The following PXN variants were observed in gnomAD, a reference collection of about 807,000 sequenced individuals.
PXN encodes the protein testicular tissue protein Li 134.
PXN carries 61 observed loss-of-function variants against 103.6 expected under a neutral mutation model. The ratio of observed to expected loss-of-function variants is 0.59; its 90% confidence interval spans 0.48 to 0.73. PXN has a LOEUF of 0.73. Among genes scored for constraint, PXN ranks in the 30% least tolerant of loss-of-function variants. The pLI, the probability that PXN is intolerant of heterozygous loss-of-function variation, is 0.00. For synonymous variants in PXN, 562 were observed against 607.8 expected, an observed-to-expected ratio of 0.92 and a Z score of 1.11; for missense variants, 1,274 against 1,460.3, an observed-to-expected ratio of 0.87 and a Z score of 2.08.
chr12:120,242,137 G>A (rs929061317), intron 1 of PXN, among the ~76,000 whole-genome samples: 1 of 152,094 alleles, frequency 6.6e-6, no homozygotes, highest in African/African-American at 2.4e-5. Context: ...CCCTGAGCCA[G>A]GGCCCAAGGA....
chr12:120,231,886 C>G (rs1250235493), intron 1 of PXN, among the ~76,000 whole-genome samples: 1 of 152,230 alleles, frequency 6.6e-6, no homozygotes, highest in Non-Finnish European at 1.5e-5. Context: ...GCAGCCACTT[C>G]CCCATCAAAT....
Position 120,216,431 on chromosome 12 carries a change from G to A in PXN, c.2143C>T (p.Pro715Ser). ...GAAGAACCACAGGTATAAGCTGAGG[G>A]CCCCAGGGGGGAGGAGGCGAGCAGG... is the stretch of plus-strand genomic sequence containing the variant. Reference protein sequence around the residue: ...PSLLASSPLGPSAYTCGSSGV... With the variant: ...PSLLASSPLGSSAYTCGSSGV... The change falls in exon 9 of 15, where the codon CCC becomes TCC. Residue 715 changes from proline to serine, a missense_variant. By Grantham distance (74) the Pro-to-Ser change is moderately conservative. Coordinates refer to ENST00000637617, the MANE Select transcript of PXN (RefSeq NM_001385981.1). This position sits in a 1 kb window ranked among gnomAD's most constrained non-coding sequence, Gnocchi z 5.1. 7.3e-7 allele frequency: 1 copy of A among 1,374,312 alleles called. No homozygotes were observed. Among genetic ancestry groups the A allele is most frequent in the Middle Eastern group, 2.7e-4 (1 of 3,736 alleles). 85.1% of individuals were successfully genotyped at this position (1,374,312 alleles called of 1,614,324 possible). A position where few individuals can be genotyped will look rare whatever the true frequency, so the allele number is the denominator to read the frequency against.
intron 1 of PXN, among the ~76,000 whole-genome samples, chr12:120,245,682 G>A (rs1280995915): frequency 1.3e-5 from 2 of 151,444 alleles, no homozygotes; most frequent in East Asian, 3.9e-4. Context: ...CAGCTACTTG[G>A]GAGGCTGAGG....
rs766217902 is a variant in PXN, at chr12:120,213,934, C to T, written c.2887G>A (p.Ala963Thr). 16 of 1,612,334 alleles carry T rather than the reference C, an allele frequency of 9.9e-6. No individual in the cohort carries two copies. Among genetic ancestry groups the T allele is most frequent in the Admixed American group, 3.3e-5 (2 of 59,754 alleles). ...CGGGCGCAGCCGCCACACTTGGGTG[C>T]GAACATGTCGAAGTAGTCCTTGCGA... is the stretch of plus-strand genomic sequence containing the variant. ...YCRKDYFDMF[A>T]PKCGGCARAI... Residue 963 changes from alanine to threonine, a missense_variant, in exon 14 of 15, where the codon GCA becomes ACA. By Grantham distance (58) the Ala-to-Thr change is moderately conservative. Coordinates refer to ENST00000637617, the MANE Select transcript of PXN (RefSeq NM_001385981.1). The surrounding 1 kb of genome is among the most constrained non-coding windows in gnomAD (Gnocchi z 4.2).
At chr12:120,241,215 C>T (rs999321530) in intron 1 of PXN, among the ~76,000 whole-genome samples, 2 of 152,258 alleles carry the variant, frequency 1.3e-5, no homozygotes, top group African/African-American at 4.8e-5. Context: ...CAGATCACAG[C>T]TTGGTCCTTT....
chr12:120,235,354 C>G (rs1363260247), intron 1 of PXN, among the ~76,000 whole-genome samples: 1 of 152,060 alleles, frequency 6.6e-6, no homozygotes. Flanking sequence ...AGTGGAACAA[C>G]CCTTCCTGAG....
At chr12:120,226,794 C>T in intron 1 of PXN, 1 of 1,029,238 alleles carries the variant, frequency 9.7e-7, no homozygotes, top group Non-Finnish European at 1.2e-6. Context: ...AATCGCTTAG[C>T]TTCTCAGGGC....
At position 120,221,359 on chromosome 12, in the gene PXN, C is replaced by G. The variant is rs967543063; in HGVS notation, c.831+264G>C. Among the ~76,000 whole-genome samples the G allele has an allele frequency of 6.6e-6, 1 of 152,142 alleles. No homozygotes were observed. Among genetic ancestry groups the G allele is most frequent in the African/African-American group, 2.4e-5 (1 of 41,414 alleles). ...CCTCGACCTGAGAGGCTGGGAGCAC[C>G]CAGGGAGGAAGGAATGTCCCAGCTG... On this transcript the variant is annotated intron_variant, in intron 6 of 14. Transcript: ENST00000637617. The surrounding 1 kb of genome is among the most constrained non-coding windows in gnomAD (Gnocchi z 6.6).
Position 120,222,603 on chromosome 12 carries a change from C to A in PXN, c.641G>T (p.Arg214Leu). The A allele has an allele frequency of 6.2e-7, 1 of 1,609,310 alleles. No individual in the cohort carries two copies. Among genetic ancestry groups the A allele is most frequent in the Non-Finnish European group, 8.5e-7 (1 of 1,178,172 alleles). The stretch of plus-strand genomic sequence containing the variant: ...ATCCAAGAGACTCTCCACACTGGGC[C>A]GCACGTCCTCCAGGCCCCGGCCCCC... ...RNGGRGLEDV[R>L]PSVESLLDEL... is the part of the protein sequence containing the mutation. The change falls in exon 5 of 15, where the codon CGG becomes CTG. Residue 214 changes from arginine (R) to leucine (L), a missense_variant. Physicochemically the swap from Arg to Leu is moderately radical, Grantham distance 102. Coordinates refer to ENST00000637617, the MANE Select transcript of PXN (RefSeq NM_001385981.1). The surrounding 1 kb of genome is among the most constrained non-coding windows in gnomAD (Gnocchi z 4.7).
At chr12:120,263,225 G>C (rs1186692641) in intron 1 of PXN, among the ~76,000 whole-genome samples, 2 of 151,770 alleles carry the variant, frequency 1.3e-5, no homozygotes, top group Admixed American at 6.5e-5. Flanking sequence ...GCAGTGTGCT[G>C]AGCCGCCATC....
In PXN at chr12:120,231,903, C is replaced by T. The variant is rs868598134; in HGVS notation, c.14-7526G>A. 1.8e-4 allele frequency among the ~76,000 whole-genome samples: 27 copies of T among 152,346 alleles called. No homozygotes were observed. In the South Asian group the frequency reaches 3.3e-3, roughly 19 times the overall value. ...AGCCACTTCCCCATCAAATTGGGCT[C>T]CAGGAGCTTAAGCAACAGCAGGTGA... is the stretch of plus-strand genomic sequence containing the variant. On this transcript the variant is annotated intron_variant, in intron 1 of 14. Coordinates refer to ENST00000637617, the MANE Select transcript of PXN (RefSeq NM_001385981.1).
intron 1 of PXN, among the ~76,000 whole-genome samples, chr12:120,263,328 T>A (rs777679458): frequency 6.6e-6 from 1 of 152,204 alleles, no homozygotes; most frequent in Non-Finnish European, 1.5e-5. Flanking sequence ...CAGTCAGGCG[T>A]GGCTTGCCCC....
chr12:120,212,423 G>A lies in PXN; in HGVS notation c.3137C>T (p.Pro1046Leu). Residue 1046 changes from proline to leucine, a missense_variant, in exon 15 of 15, where the codon CCC becomes CTC. By Grantham distance (98) the Pro-to-Leu change is moderately conservative (BLOSUM62 -3). Transcript: ENST00000637617. This position sits in a 1 kb window ranked among gnomAD's most constrained non-coding sequence, Gnocchi z 7.2. ...CITAMAKKFH[P>L]EHFVCAFCLK... is the part of the protein sequence containing the mutation. ...GCAGAAGGCACAGACGAAGTGCTCG[G>A]GGTGGAACTTCTTGGCCATGGCGGT... is the stretch of plus-strand genomic sequence containing the variant. The A allele has an allele frequency of 6.2e-7, 1 of 1,614,026 alleles. No homozygotes were observed.
Position 120,212,963 on chromosome 12 carries a change from C to A in PXN, c.2980-383G>T. 1.7e-5 allele frequency: 3 copies of A among 175,324 alleles called. No homozygotes were observed. The highest frequency in any genetic ancestry group is 1.5e-4 in the South Asian group (1 of 6,792). 10.9% of individuals were successfully genotyped at this position (175,324 alleles called of 1,614,324 possible). ...CCTGGATTCATACACAGGTCTGACTCCTGAGCACTTAGCCAGGTGGCTGTA... is the reference window on the plus strand; with the variant it reads ...CCTGGATTCATACACAGGTCTGACTACTGAGCACTTAGCCAGGTGGCTGTA... On this transcript the variant is annotated intron_variant, in intron 14 of 14. Transcript: ENST00000637617. The surrounding 1 kb of genome is among the most constrained non-coding windows in gnomAD (Gnocchi z 7.2).
At chr12:120,241,622 G>C (rs747378092) in intron 1 of PXN, among the ~76,000 whole-genome samples, 9 of 152,258 alleles carry the variant, frequency 5.9e-5, no homozygotes, top group Non-Finnish European at 1.2e-4. Flanking sequence ...GGGGCAGAAG[G>C]CCCTGAAAGC....
Position 120,211,898 on chromosome 12 carries a change from C to T in PXN, c.*416G>A, listed in dbSNP as rs776365835. ...AATCACAGAACAAAGACAATTAGGT[C>T]GGGGGAGGAATAAGGATAAAAAGAG... On this transcript the variant is annotated 3_prime_UTR_variant, in exon 15 of 15. Coordinates refer to ENST00000637617, the MANE Select transcript of PXN (RefSeq NM_001385981.1). 3.8e-6 allele frequency: 2 copies of T among 521,474 alleles called. No individual in the cohort carries two copies. The highest frequency in any genetic ancestry group is 5.4e-5 in the East Asian group (1 of 18,504). 32.3% of individuals were successfully genotyped at this position (521,474 alleles called of 1,614,324 possible).
At chr12:120,260,575 G>A (rs1893724881) in intron 1 of PXN, among the ~76,000 whole-genome samples, 1 of 151,632 alleles carries the variant, frequency 6.6e-6, no homozygotes, top group Non-Finnish European at 1.5e-5. Flanking sequence ...GAAGACAACA[G>A]AGAATAGGGT....
intron 1 of PXN, among the ~76,000 whole-genome samples, chr12:120,248,492 TCACA>T (rs3221954): frequency 0.15 from 18,574 of 127,732 alleles, 1,415 homozygotes; most frequent in African/African-American, 0.17. Context: ...CAGATGACTT[TCACA>T]CACACACACA....
rs752928529 is a variant in PXN, at chr12:120,219,073, C to T, written c.1716+134G>A. 17 of 1,000,358 alleles carry T rather than the reference C, an allele frequency of 1.7e-5. No homozygotes were observed. The highest frequency in any genetic ancestry group is 2.9e-5 in the Admixed American group (1 of 34,022). The allele number at this position is 1,000,358 out of a possible 1,614,324, so 62.0% of individuals were successfully genotyped here. A position where few individuals can be genotyped will look rare whatever the true frequency, so the allele number is the denominator to read the frequency against. The stretch of plus-strand genomic sequence containing the variant: ...ACTGCCAAGTGCTGACTGTCAGGTC[C>T]GGCCACAGTGTCTCAGCATTTTCTG... On this transcript the variant is annotated intron_variant, in intron 7 of 14. Transcript: ENST00000637617. The surrounding 1 kb of genome is among the most constrained non-coding windows in gnomAD (Gnocchi z 6.5).
Sources: gnomAD v4.1 joint callset for allele counts (sites outside exome capture counted in the v4.1 genomes callset) on GRCh38, gnomAD v4.1.1 for gene constraint, Gnocchi (gnomAD v3.1) non-coding constraint, MANE v1.5 for transcripts, NCBI Gene and HGNC (gene_info 2026-07-23, HGNC 2026-07-21) for gene names.